ATP13A5: variants seen among roughly 807,000 people sequenced by gnomAD.
ATP13A5 encodes the protein probable cation-transporting ATPase 13A5.
A neutral mutation model predicts 150.2 loss-of-function variants in ATP13A5; 149 were observed. The ratio of observed to expected loss-of-function variants is 0.99; its 90% CI spans 0.87 to 1.14. The LOEUF is 1.14. Among genes scored for constraint, ATP13A5 ranks in the 50% most tolerant of loss-of-function variants. The pLI, the probability that ATP13A5 is intolerant of heterozygous loss-of-function variation, is 0.00. For missense variants in ATP13A5, 1,383 were observed against 1,449.3 expected, an observed-to-expected ratio of 0.95 and a Z score of 0.74; for synonymous variants, 497 against 522.2, an observed-to-expected ratio of 0.95 and a Z score of 0.66.
At chr3:193,312,000 A>G (rs1718870536) in intron 19 of ATP13A5, 59 bp from the exon 20 acceptor site, 1 of 1,581,306 alleles carries the variant, frequency 6.3e-7, no homozygotes. Flanking sequence ...CTGCTTTCCT[A>G]TGCGTTATTG....
chr3:193,314,400 G>C (rs1577344186), intron 18 of ATP13A5: 1 of 520,796 alleles, frequency 1.9e-6, no homozygotes, highest in Non-Finnish European at 3.4e-6. Context: ...ATCATATCCT[G>C]GTCCATGTGT....
intron 26 of ATP13A5, among the ~76,000 whole-genome samples, chr3:193,289,550 G>A (rs1336934230): frequency 1.3e-5 from 2 of 152,066 alleles, no homozygotes; most frequent in African/African-American, 4.8e-5. Flanking sequence ...TGCAACTGAG[G>A]CCATGTAGTG....
At chr3:193,328,458 T>G (rs1336521710) in intron 12 of ATP13A5, among the ~76,000 whole-genome samples, 1 of 152,212 alleles carries the variant, frequency 6.6e-6, no homozygotes, top group African/African-American at 2.4e-5. Flanking sequence ...AAAAAGAGTT[T>G]GCAACTTAAT....
chr3:193,369,715 G>A (rs146092546), intron 1 of ATP13A5, among the ~76,000 whole-genome samples: 8 of 152,248 alleles, frequency 5.3e-5, no homozygotes, highest in African/African-American at 1.7e-4. Flanking sequence ...TCTCAAACCC[G>A]TTATACATGG....
chr3:193,333,881 C>T lies in ATP13A5; in HGVS notation c.1141G>A (p.Val381Met). The stretch of plus-strand genomic sequence containing the variant: ...GGCCGGGGGTACAGGATGGATCTCA[C>T]TAAGTCCCCTTTGGCTGTATTGTAA... ...TGYNTAKGDL[V>M]RSILYPRPLN... The change falls in exon 11 of 30, where the codon GTG (valine) becomes ATG (methionine). Residue 381 changes from valine to methionine, a missense_variant. Physicochemically the swap from Val to Met is conservative, Grantham distance 21 (BLOSUM62 1). Around this residue, in one of 3 missense-constraint regions of ATP13A5, gnomAD observed 787 missense variants for 771.9 expected, o/e 1.02. Coordinates refer to ENST00000342358, the MANE Select transcript of ATP13A5 (RefSeq NM_198505.4). 3.7e-6 allele frequency: 6 copies of T among 1,613,724 alleles called. No homozygotes were observed. The highest frequency in any genetic ancestry group is 5.1e-6 in the Non-Finnish European group (6 of 1,179,792).
At chr3:193,276,337 T>A (rs1284748527) in intron 29 of ATP13A5, among the ~76,000 whole-genome samples, 2 of 152,210 alleles carry the variant, frequency 1.3e-5, no homozygotes, top group African/African-American at 4.8e-5. Flanking sequence ...AGGAATTGAC[T>A]AGAATAAGCA....
At chr3:193,279,310 G>GA (rs1717370928) in intron 28 of ATP13A5, 56 bp downstream of exon 28, 1 of 1,308,018 alleles carries the variant, frequency 7.6e-7, no homozygotes, top group Admixed American at 1.8e-5. Flanking sequence ...GAATTACAAT[G>GA]AATACATGGT....
At chr3:193,361,952 T>C (rs1321589160) in intron 5 of ATP13A5, among the ~76,000 whole-genome samples, 1 of 152,182 alleles carries the variant, frequency 6.6e-6, no homozygotes, top group East Asian at 1.9e-4. Flanking sequence ...ACTGCAGATA[T>C]AGTGGTGAAT....
At chr3:193,284,006 G>GCAT (rs1717611811) in intron 27 of ATP13A5, among the ~76,000 whole-genome samples, 1 of 61,906 alleles carries the variant, frequency 1.6e-5, no homozygotes, top group Non-Finnish European at 3.2e-5. Context: ...TTTGGCCTGC[G>GCAT]GATTATTATT....
chr3:193,343,090 G>T (rs1008956746), intron 9 of ATP13A5, among the ~76,000 whole-genome samples: 1 of 151,936 alleles, frequency 6.6e-6, no homozygotes, highest in East Asian at 1.9e-4. Flanking sequence ...AACAATTTAG[G>T]GATAGATAAT....
At chr3:193,320,078 T>C (rs1330596087) in intron 16 of ATP13A5, among the ~76,000 whole-genome samples, 1 of 152,248 alleles carries the variant, frequency 6.6e-6, no homozygotes, top group Non-Finnish European at 1.5e-5. Context: ...TTATGATTTA[T>C]AACGTACCTA....
intron 6 of ATP13A5, among the ~76,000 whole-genome samples, chr3:193,351,861 C>T (rs1480962728): frequency 2.6e-5 from 4 of 152,242 alleles, no homozygotes; most frequent in East Asian, 3.9e-4. Flanking sequence ...CATTTCTGGT[C>T]GCATGAGAAT....
At chr3:193,311,372 A>G (rs1272067323) in intron 20 of ATP13A5, among the ~76,000 whole-genome samples, 1 of 152,226 alleles carries the variant, frequency 6.6e-6, no homozygotes, top group Non-Finnish European at 1.5e-5. Context: ...ACAGAGGACA[A>G]GATAACAAAT....
intron 1 of ATP13A5, among the ~76,000 whole-genome samples, chr3:193,376,281 A>G (rs919368574): frequency 6.6e-6 from 1 of 152,238 alleles, no homozygotes; most frequent in African/African-American, 2.4e-5. Context: ...TGGCAGATCC[A>G]GTGTCTGATG....
intron 18 of ATP13A5, among the ~76,000 whole-genome samples, chr3:193,314,703 C>T (rs1453968766): frequency 6.6e-6 from 1 of 152,164 alleles, no homozygotes; most frequent in Non-Finnish European, 1.5e-5. Context: ...CATTCTTGCT[C>T]ATTTACTGTG....
Position 193,299,108 on chromosome 3 carries a change from G to A in ATP13A5, c.2848+23C>T, listed in dbSNP as rs200636494. ...TTCATAGATAAATAAAAACAATATAGTTTTCTTTGCTAAAGAGCTTACTTG... is the reference window on the plus strand; with the variant it reads ...TTCATAGATAAATAAAAACAATATAATTTTCTTTGCTAAAGAGCTTACTTG... On this transcript the variant is annotated intron_variant, in intron 25 of 29. Transcript: ENST00000342358. The A allele has an allele frequency of 2.1e-4, 324 of 1,561,046 alleles. 1 individual carries two copies. In the South Asian group the frequency reaches 3.1e-3, roughly 15 times the overall value.
chr3:193,376,502 A>G (rs970931130), intron 1 of ATP13A5, among the ~76,000 whole-genome samples: 2 of 152,206 alleles, frequency 1.3e-5, no homozygotes, highest in East Asian at 1.9e-4. Flanking sequence ...ATGAGCCACC[A>G]TGCCTGGCCA....
intron 29 of ATP13A5, 123 bp downstream of exon 29, chr3:193,276,627 A>G: frequency 3.0e-6 from 2 of 673,550 alleles, no homozygotes; most frequent in South Asian, 2.1e-5. Context: ...GTACCATTTT[A>G]ATAAACCCTT....
intron 26 of ATP13A5, among the ~76,000 whole-genome samples, chr3:193,289,658 C>A (rs1035400607): frequency 1.3e-5 from 2 of 152,098 alleles, no homozygotes. Flanking sequence ...ATTCAGCCAA[C>A]CAGTTGTTAG....
Sources: allele counts gnomAD v4.1 joint callset (sites outside exome capture counted in the v4.1 genomes callset), GRCh38; gene constraint gnomAD v4.1.1; regional missense constraint gnomAD v4.1.1; transcripts MANE v1.5; gene names NCBI Gene and HGNC (gene_info 2026-07-23, HGNC 2026-07-21).